The following DAGLB variants were observed in gnomAD, a reference collection of about 807,000 sequenced individuals.
DAGLB encodes the protein diacylglycerol lipase beta.
DAGLB carries 66 observed loss-of-function variants against 72.1 expected under a neutral mutation model. The observed-to-expected ratio is 0.92, with a 90% CI of 0.75 to 1.12. DAGLB has a LOEUF of 1.12. DAGLB is among the 50% of genes most tolerant of loss of function. DAGLB has a pLI of 0.00. For synonymous variants in DAGLB, 414 were observed against 359.5 expected (o/e 1.15, Z -1.71); for missense variants, 1,065 against 884.9 (o/e 1.20, Z -2.58).
intron 2 of DAGLB, among the ~76,000 whole-genome samples, chr7:6,441,752 T>G (rs1481375604): frequency 2.0e-5 from 3 of 152,176 alleles, no homozygotes; most frequent in Non-Finnish European, 2.9e-5. Context: ...TATAATGTTA[T>G]GTGCAACAAA....
At chr7:6,446,204 C>T in intron 1 of DAGLB, 100 bp from the exon 2 acceptor site, 3 of 1,286,580 alleles carry the variant, frequency 2.3e-6, no homozygotes, top group Non-Finnish European at 1.0e-6. Context: ...CGCGGTGGCT[C>T]ACACCTGTAA....
At position 6,447,887 on chromosome 7, in the gene DAGLB, G is replaced by C. The variant is rs373151475; in HGVS notation, c.-45C>G. 2 of 1,557,632 alleles carry C rather than the reference G, an allele frequency of 1.3e-6. No individual in the cohort carries two copies. Among genetic ancestry groups the C allele is most frequent in the East Asian group, 2.3e-5 (1 of 42,910 alleles). On this transcript the variant is annotated 5_prime_UTR_variant, in exon 1 of 15. Coordinates refer to ENST00000297056, the MANE Select transcript of DAGLB (RefSeq NM_139179.4). ...GCACTCAGGAGAGACCCCGCGCGCC[G>C]TTCACCGAGAACAAACCAGCACCCT...
chr7:6,430,424 T>G, intron 6 of DAGLB, 56 bp downstream of exon 6: 1 of 1,417,192 alleles, frequency 7.1e-7, no homozygotes, highest in Non-Finnish European at 9.3e-7. Context: ...TATCTCAAAA[T>G]AGCTTTTTTT....
chr7:6,413,169 G>A (rs1204513931), intron 11 of DAGLB, 135 bp from the exon 12 acceptor site: 1 of 942,950 alleles, frequency 1.1e-6, no homozygotes, highest in Non-Finnish European at 1.6e-6. Flanking sequence ...TAAAGGGAGG[G>A]TAGGGGAAAC....
At position 6,410,382 on chromosome 7, in the gene DAGLB, T is replaced by G; in HGVS notation, c.1570-2A>C. ...CAAACCGTGCAGCAAGATCTTGTACTGAGGGCGAGACCCAATCAGTAGAAT... is the reference window on the plus strand; with the variant it reads ...CAAACCGTGCAGCAAGATCTTGTACGGAGGGCGAGACCCAATCAGTAGAAT... On this transcript the variant is annotated splice_acceptor_variant, in intron 13 of 14. Transcript: ENST00000297056. LOFTEE classifies it high-confidence loss of function. 1.9e-6 allele frequency: 3 copies of G among 1,606,610 alleles called. No individual in the cohort carries two copies. Among genetic ancestry groups the G allele is most frequent in the Non-Finnish European group, 2.6e-6 (3 of 1,175,522 alleles).
rs748693146 is a variant in DAGLB at position 6,421,763 on chromosome 7, G to A, written c.1182C>T (p.Asp394=). 6 of 1,613,318 alleles carry A rather than the reference G, an allele frequency of 3.7e-6. No individual in the cohort carries two copies. Among genetic ancestry groups the A allele is most frequent in the South Asian group, 2.2e-5 (2 of 91,076 alleles). ...TDLSAESEVL[D]VECEVQDRLA... ...GGCGGTCCTGCACCTCACACTCCAC[G>A]TCCAGCACCTCACTCTCCGCTGACA... The change falls in exon 9 of 15, where the codon GAC becomes GAT. Residue 394 remains aspartate (D), a synonymous_variant. Coordinates refer to ENST00000297056, the MANE Select transcript of DAGLB (RefSeq NM_139179.4).
chr7:6,411,287 G>C (rs1270651079), intron 13 of DAGLB, among the ~76,000 whole-genome samples: 6 of 152,090 alleles, frequency 3.9e-5, no homozygotes, highest in Non-Finnish European at 7.4e-5. Flanking sequence ...GGGATTACAG[G>C]CGTGAGCCAC....
At chr7:6,411,096 T>A (rs1165752888) in intron 13 of DAGLB, among the ~76,000 whole-genome samples, 1 of 151,600 alleles carries the variant, frequency 6.6e-6, no homozygotes, top group African/African-American at 2.4e-5. Context: ...GTGGTCTCTA[T>A]CTCCTGACCT....
In DAGLB at chr7:6,409,584, G is replaced by T; in HGVS notation, c.*253C>A. On this transcript the variant is annotated 3_prime_UTR_variant, in exon 15 of 15. Transcript: ENST00000297056. The stretch of plus-strand genomic sequence containing the variant: ...ATCCATCCACGGGCCAGGGCTTCCC[G>T]AGGCTGTCTCCACGGTCGCTGGGTC... The T allele has an allele frequency of 1.8e-6, 1 of 543,010 alleles. No individual in the cohort carries two copies. Among genetic ancestry groups the T allele is most frequent in the Non-Finnish European group, 3.3e-6 (1 of 303,322 alleles). 33.6% of individuals were successfully genotyped at this position (543,010 alleles called of 1,614,324 possible). A position where few individuals can be genotyped will look rare whatever the true frequency, so the allele number is the denominator to read the frequency against.
chr7:6,432,832 C>G lies in DAGLB; in HGVS notation c.801+5G>C, dbSNP rs748108498. 2 of 1,612,944 alleles carry G rather than the reference C, an allele frequency of 1.2e-6. No homozygotes were observed. The highest frequency in any genetic ancestry group is 2.2e-5 in the East Asian group (1 of 44,874). On this transcript the variant is annotated splice_donor_5th_base_variant and intron_variant, in intron 5 of 14. Coordinates refer to ENST00000297056, the MANE Select transcript of DAGLB (RefSeq NM_139179.4). ...GAACTGGACACTCCATGAAGCCAGG[C>G]TCACCTGGGAGCTCCCTGGGGCATG...
intron 1 of DAGLB, among the ~76,000 whole-genome samples, chr7:6,446,950 C>A (rs1785026132): frequency 1.3e-5 from 2 of 152,072 alleles, no homozygotes; most frequent in African/African-American, 2.4e-5. Flanking sequence ...GTTGAGGCTG[C>A]AGTGAGTGGT....
intron 2 of DAGLB, among the ~76,000 whole-genome samples, chr7:6,441,421 C>A (rs1583302557): frequency 9.4e-6 from 1 of 106,286 alleles, no homozygotes; most frequent in Non-Finnish European, 2.0e-5. Flanking sequence ...ACATTTTTTT[C>A]TTTTTTTTTT....
intron 8 of DAGLB, among the ~76,000 whole-genome samples, chr7:6,424,333 C>T (rs1296997269): frequency 1.3e-5 from 2 of 152,148 alleles, no homozygotes; most frequent in Admixed American, 6.5e-5. Context: ...GGATCCAAAC[C>T]GGGAGCCTCC....
chr7:6,416,718 C>T lies in DAGLB; in HGVS notation c.1336G>A (p.Gly446Ser), dbSNP rs760935184. 2 of 1,613,620 alleles carry T rather than the reference C, an allele frequency of 1.2e-6. No individual in the cohort carries two copies. Among genetic ancestry groups the T allele is most frequent in the Non-Finnish European group, 1.7e-6 (2 of 1,179,802 alleles). Residue 446 changes from glycine (G) to serine (S), a missense_variant, in exon 11 of 15, where the codon GGC becomes AGC. Physicochemically the swap from Gly to Ser is moderately conservative, Grantham distance 56. Coordinates refer to ENST00000297056, the MANE Select transcript of DAGLB (RefSeq NM_139179.4). ...GTGGCCAGCAGGGCGGCCGCCCCGC[C>T]CCCGAGGCTGTGGCCCACTATGACC... ...RLVIVGHSLG[G>S]GAAALLATML...
At chr7:6,427,977 A>G (rs1784364013) in intron 6 of DAGLB, among the ~76,000 whole-genome samples, 1 of 152,228 alleles carries the variant, frequency 6.6e-6, no homozygotes, top group African/African-American at 2.4e-5. Context: ...CCATATTGAC[A>G]GTAAGATGTA....
chr7:6,443,369 G>C lies in DAGLB; in HGVS notation c.247+2584C>G, dbSNP rs530393632. Among the ~76,000 whole-genome samples the C allele has an allele frequency of 6.6e-5, 10 of 151,706 alleles. No homozygotes were observed. In the South Asian group the frequency reaches 1.0e-3, roughly 16 times the overall value. ...TTGGGAGGCTGAGGCAGAATTGTTT[G>C]AATCTGGGAGGCAGAGGTTGGTTGC... On this transcript the variant is annotated intron_variant, in intron 2 of 14. Transcript: ENST00000297056.
At chr7:6,439,823 G>T (rs925581838) in intron 2 of DAGLB, among the ~76,000 whole-genome samples, 1 of 151,862 alleles carries the variant, frequency 6.6e-6, no homozygotes, top group African/African-American at 2.4e-5. Context: ...AGGGCAAGGC[G>T]GGTGGATCAC....
chr7:6,432,651 CTCCG>C (rs2115277141), intron 5 of DAGLB, among the ~76,000 whole-genome samples, 182 bp downstream of exon 5: 1 of 120,840 alleles, frequency 8.3e-6, no homozygotes, highest in South Asian at 2.8e-4. Context: ...CAGAGCGAGA[CTCCG>C]TCTTAAAAAA....
chr7:6,417,113 G>C, intron 9 of DAGLB, 192 bp from the exon 10 acceptor site: 1 of 620,908 alleles, frequency 1.6e-6, no homozygotes, highest in Non-Finnish European at 2.8e-6. Flanking sequence ...CGTGAAGCAG[G>C]TGCCAGGTGT....
Sources: gnomAD v4.1 joint callset for allele counts (sites outside exome capture counted in the v4.1 genomes callset) on GRCh38, gnomAD v4.1.1 for gene constraint, MANE v1.5 for transcripts, NCBI Gene and HGNC (gene_info 2026-07-23, HGNC 2026-07-21) for gene names.